The following OPCML variants were observed in gnomAD, a reference collection of about 807,000 sequenced individuals.
OPCML encodes opioid-binding protein/cell adhesion molecule.
OPCML carries 13 observed loss-of-function variants against 37.8 expected under a neutral mutation model. The ratio of observed to expected loss-of-function variants is 0.34; its 90% CI spans 0.22 to 0.55. OPCML has a LOEUF of 0.55. OPCML is among the 20% of genes least tolerant of loss of function. OPCML has a pLI of 0.91. For synonymous variants in OPCML, 176 were observed against 168.8 expected (o/e 1.04, Z -0.33); for missense variants, 341 against 435.6 (o/e 0.78, Z 1.93).
chr11:132,530,985 C>A (rs1282917096), intron 3 of OPCML, among the ~76,000 whole-genome samples: 2 of 152,162 alleles, frequency 1.3e-5, no homozygotes, highest in African/African-American at 4.8e-5. Context: ...AAAGCAGAAG[C>A]AGCCATCTCT....
chr11:132,912,227 T>C (rs1944450209), intron 2 of OPCML, among the ~76,000 whole-genome samples: 1 of 152,184 alleles, frequency 6.6e-6, no homozygotes, highest in African/African-American at 2.4e-5. Flanking sequence ...TTTGACCTTA[T>C]CTTTCATAAA....
chr11:133,526,737 G>T (rs753596177), intron 1 of OPCML, among the ~76,000 whole-genome samples: 5 of 152,196 alleles, frequency 3.3e-5, no homozygotes, highest in African/African-American at 1.2e-4. Context: ...GGCAACCAAG[G>T]CTTTGCAGAT....
At chr11:132,421,848 C>G (rs1467948074) in intron 7 of OPCML, among the ~76,000 whole-genome samples, 1 of 152,134 alleles carries the variant, frequency 6.6e-6, no homozygotes, top group Non-Finnish European at 1.5e-5. Flanking sequence ...TACTGGCCTG[C>G]AGAATGCACT....
At chr11:132,813,495 A>T (rs1374584305) in intron 2 of OPCML, among the ~76,000 whole-genome samples, 1 of 152,328 alleles carries the variant, frequency 6.6e-6, no homozygotes, top group Non-Finnish European at 1.5e-5. Flanking sequence ...CAAGAGAAGC[A>T]GCCCCCATCA....
intron 3 of OPCML, among the ~76,000 whole-genome samples, chr11:132,654,281 G>T (rs1233065220): frequency 2.0e-5 from 3 of 152,174 alleles, no homozygotes; most frequent in Non-Finnish European, 2.9e-5. Context: ...TCTCAGTAAA[G>T]GTACAAACCA....
intron 2 of OPCML, among the ~76,000 whole-genome samples, chr11:132,868,557 G>C (rs1942665182): frequency 1.3e-5 from 2 of 152,074 alleles, no homozygotes; most frequent in Admixed American, 1.3e-4. Context: ...TCAAAGGGTT[G>C]TCCTAGTGAA....
At chr11:132,663,344 G>T (rs1421632738) in intron 2 of OPCML, among the ~76,000 whole-genome samples, 1 of 152,226 alleles carries the variant, frequency 6.6e-6, no homozygotes, top group Non-Finnish European at 1.5e-5. Flanking sequence ...TATATGTGGG[G>T]ACATATATGT....
At chr11:132,840,184 T>C (rs1165853790) in intron 2 of OPCML, among the ~76,000 whole-genome samples, 1 of 152,106 alleles carries the variant, frequency 6.6e-6, no homozygotes, top group Non-Finnish European at 1.5e-5. Context: ...GACACAAAAC[T>C]TCTGACGGCA....
intron 4 of OPCML, among the ~76,000 whole-genome samples, chr11:132,477,387 C>A (rs2508986): frequency 4.6e-5 from 7 of 151,984 alleles, no homozygotes; most frequent in Non-Finnish European, 8.8e-5. Flanking sequence ...CAGACTGAGA[C>A]AGGTAGTAGC....
chr11:133,034,178 A>G (rs1004252316), intron 1 of OPCML, among the ~76,000 whole-genome samples: 5 of 152,106 alleles, frequency 3.3e-5, no homozygotes, highest in South Asian at 2.1e-4. Context: ...TTGAGGGCCT[A>G]GTATACCTCT....
chr11:132,997,355 G>A (rs969534130), intron 1 of OPCML, among the ~76,000 whole-genome samples: 5 of 152,212 alleles, frequency 3.3e-5, no homozygotes, highest in African/African-American at 7.2e-5. Context: ...CTCATCAGGT[G>A]TTCCCTTCCC....
At chr11:132,491,924 A>ATTTT (rs780995319) in intron 4 of OPCML, among the ~76,000 whole-genome samples, 20 of 133,266 alleles carry the variant, frequency 1.5e-4, no homozygotes, top group African/African-American at 5.3e-4. Context: ...GACATACCTA[A>ATTTT]TTTTTTTTTT....
intron 1 of OPCML, among the ~76,000 whole-genome samples, chr11:133,161,849 A>G (rs1459148100): frequency 6.6e-6 from 1 of 152,176 alleles, no homozygotes; most frequent in African/African-American, 2.4e-5. Context: ...GAAGAAAACA[A>G]TGCTGAAAAA....
At chr11:132,914,404 C>T (rs1944538814) in intron 2 of OPCML, among the ~76,000 whole-genome samples, 1 of 152,218 alleles carries the variant, frequency 6.6e-6, no homozygotes, top group Non-Finnish European at 1.5e-5. Context: ...CATACATTTT[C>T]TGTTCCAATA....
At chr11:133,009,426 G>C (rs1419726386) in intron 1 of OPCML, among the ~76,000 whole-genome samples, 1 of 152,290 alleles carries the variant, frequency 6.6e-6, no homozygotes, top group East Asian at 1.9e-4. Flanking sequence ...AAAATCAACT[G>C]TACTGATACA....
At chr11:133,479,288 A>G (rs114266014) in intron 1 of OPCML, among the ~76,000 whole-genome samples, 5,234 of 152,254 alleles carry the variant, frequency 0.034, 278 homozygotes, top group African/African-American at 0.12. Flanking sequence ...GAGGATTCTC[A>G]CGCACAGTGG....
At chr11:133,178,460 T>C (rs979759968) in intron 1 of OPCML, among the ~76,000 whole-genome samples, 2 of 152,030 alleles carry the variant, frequency 1.3e-5, no homozygotes, top group African/African-American at 4.8e-5. Flanking sequence ...TATGAATATA[T>C]GTATATATAT....
At chr11:133,204,882 A>ATATATATATGTG (rs1555114202) in intron 1 of OPCML, among the ~76,000 whole-genome samples, 4 of 30,216 alleles carry the variant, frequency 1.3e-4, no homozygotes, top group South Asian at 9.0e-4. Context: ...ATATATATAT[A>ATATATATATGTG]TATATATATA....
intron 1 of OPCML, among the ~76,000 whole-genome samples, chr11:133,111,476 G>A (rs1249952114): frequency 6.6e-6 from 1 of 152,136 alleles, no homozygotes; most frequent in Non-Finnish European, 1.5e-5. Flanking sequence ...TGTCCCCAGT[G>A]TTAGTTAGTA....
Sources: allele counts gnomAD v4.1 joint callset (sites outside exome capture counted in the v4.1 genomes callset), GRCh38; gene constraint gnomAD v4.1.1; transcripts MANE v1.5; gene names NCBI Gene and HGNC (gene_info 2026-07-23, HGNC 2026-07-21).